NDUFA7: variants seen among roughly 807,000 people sequenced by gnomAD.
NDUFA7 encodes NADH:ubiquinone oxidoreductase subunit A7.
NDUFA7 carries 18 observed loss-of-function variants against 14.2 expected under a neutral mutation model. That is an observed-to-expected ratio of 1.27 (90% CI 0.88 to 1.88). NDUFA7 has a LOEUF of 1.88. Among genes scored for constraint, NDUFA7 ranks in the 40% most tolerant of loss-of-function variants. The probability of loss-of-function intolerance (pLI) is 0.00; values close to 1 mark genes in which losing one functional copy is unlikely to be tolerated. For synonymous variants in NDUFA7, 75 were observed against 62.1 expected, an observed-to-expected ratio of 1.21 and a Z score of -0.98; for missense variants, 172 against 147.3, an observed-to-expected ratio of 1.17 and a Z score of -0.87.
chr19:8,318,961 T>G (rs10403563), intron 2 of NDUFA7, among the ~76,000 whole-genome samples: 17,016 of 148,404 alleles, frequency 0.11, 1,984 homozygotes, highest in African/African-American at 0.31. Context: ...AGAGTGAGAC[T>G]CTGTCTCAAA....
chr19:8,309,100 T>C (rs995913269), downstream of NDUFA7, among the ~76,000 whole-genome samples: 7 of 151,972 alleles, frequency 4.6e-5, no homozygotes, highest in Non-Finnish European at 1.0e-4. Flanking sequence ...CTCTAATTTG[T>C]AGTCCCAGCT....
Position 8,321,330 on chromosome 19 carries a change from C to G in NDUFA7, c.29G>C (p.Arg10Pro). 1 of 1,580,494 alleles carries G rather than the reference C, an allele frequency of 6.3e-7. No homozygotes were observed. The highest frequency in any genetic ancestry group is 1.2e-5 in the South Asian group (1 of 86,872). Residue 10 changes from arginine (R) to proline (P), a missense_variant, in exon 1 of 4, where the codon CGG becomes CCG. Arg to Pro is a moderately radical substitution (Grantham distance 103). Coordinates refer to ENST00000301457, the MANE Select transcript of NDUFA7 (RefSeq NM_005001.5). Reference sequence around the variant, plus strand: ...CACCCCGGACGCCCAGTTCCGCAGCCGCTGGATGAGACGGGTGGCGGACGC... The same window carrying G: ...CACCCCGGACGCCCAGTTCCGCAGCGGCTGGATGAGACGGGTGGCGGACGC... MASATRLIQ[R>P]LRNWASGHDL...
At chr19:8,311,104 G>C (rs1471730096), downstream of NDUFA7, among the ~76,000 whole-genome samples, 1 of 152,172 alleles carries the variant, frequency 6.6e-6, no homozygotes, top group Non-Finnish European at 1.5e-5. Context: ...CAGCATAATG[G>C]TTTCTGGCTC....
chr19:8,318,887 C>G (rs1413241716), intron 2 of NDUFA7, among the ~76,000 whole-genome samples: 1 of 150,824 alleles, frequency 6.6e-6, no homozygotes, highest in South Asian at 2.1e-4. Context: ...AGGAGAATCA[C>G]TTGAACCCGG....
chr19:8,320,020 A>C (rs918415841), intron 2 of NDUFA7, among the ~76,000 whole-genome samples: 3 of 151,524 alleles, frequency 2.0e-5, no homozygotes, highest in African/African-American at 7.3e-5. Flanking sequence ...TAATTTTTGT[A>C]TTTCTAGTAG....
intron 2 of NDUFA7, among the ~76,000 whole-genome samples, chr19:8,317,603 G>A (rs907549016): frequency 6.6e-6 from 1 of 152,170 alleles, no homozygotes; most frequent in African/African-American, 2.4e-5. Context: ...TTTCCACTTA[G>A]CCATGTTTCT....
At chr19:8,315,414 T>C (rs897971853) in intron 3 of NDUFA7, among the ~76,000 whole-genome samples, 4 of 152,154 alleles carry the variant, frequency 2.6e-5, no homozygotes, top group African/African-American at 7.2e-5. Flanking sequence ...TCTACTGAGA[T>C]AGGGGAAAAC....
chr19:8,311,092 C>G (rs543789185), downstream of NDUFA7, among the ~76,000 whole-genome samples: 1 of 152,276 alleles, frequency 6.6e-6, no homozygotes, highest in African/African-American at 2.4e-5. Context: ...ATCCCACAGC[C>G]CCAGCATAAT....
chr19:8,317,820 C>T (rs1329954340), intron 2 of NDUFA7, among the ~76,000 whole-genome samples: 2 of 152,126 alleles, frequency 1.3e-5, no homozygotes, highest in Non-Finnish European at 2.9e-5. Context: ...CACACTACCA[C>T]ATCTGGCTAA....
At position 8,311,411 on chromosome 19, in the gene NDUFA7, C is replaced by A. The variant is rs1970174955; in HGVS notation, c.*94G>T. 2.1e-6 allele frequency: 2 copies of A among 956,568 alleles called. No individual in the cohort carries two copies. The highest frequency in any genetic ancestry group is 1.6e-6 in the Non-Finnish European group (1 of 633,400). 59.3% of individuals were successfully genotyped at this position (956,568 alleles called of 1,614,324 possible). A position where few individuals can be genotyped will look rare whatever the true frequency, so the allele number is the denominator to read the frequency against. ...TTTTAAAGTAAAACTAGAAGTGATA[C>A]CTGAGCTCTACGTATTTGTCATAAA... On this transcript the variant is annotated 3_prime_UTR_variant, in exon 4 of 4. Coordinates refer to ENST00000301457, the MANE Select transcript of NDUFA7 (RefSeq NM_005001.5).
intron 3 of NDUFA7, 124 bp downstream of exon 3, chr19:8,316,372 G>T: frequency 2.2e-6 from 3 of 1,389,948 alleles, no homozygotes; most frequent in Non-Finnish European, 2.9e-6. Flanking sequence ...CAGCAGCACA[G>T]TTCCTGCGCA....
chr19:8,312,198 C>T (rs1162563826), intron 3 of NDUFA7, among the ~76,000 whole-genome samples: 1 of 152,230 alleles, frequency 6.6e-6, no homozygotes, highest in Non-Finnish European at 1.5e-5. Flanking sequence ...CCAGGACGAG[C>T]ACCCTCCCCT....
At chr19:8,318,950 C>A (rs1322948613) in intron 2 of NDUFA7, among the ~76,000 whole-genome samples, 6 of 148,452 alleles carry the variant, frequency 4.0e-5, no homozygotes, top group Non-Finnish European at 8.9e-5. Flanking sequence ...AGCTTGGCGA[C>A]AGAGTGAGAC....
downstream of NDUFA7, among the ~76,000 whole-genome samples, chr19:8,309,292 G>A (rs1970146356): frequency 6.6e-6 from 1 of 152,044 alleles, no homozygotes; most frequent in African/African-American, 2.4e-5. Context: ...GGCCAACATA[G>A]TAAAACTCCC....
chr19:8,321,367 C>T lies in NDUFA7; in HGVS notation c.-9G>A. ...CGGGTGGCGGACGCCATCTTCCGTC[C>T]GCGATACTGAAGGGCGCAGCCGGTG... On this transcript the variant is annotated 5_prime_UTR_variant, in exon 1 of 4. Transcript: ENST00000301457. 6.4e-7 allele frequency: 1 copy of T among 1,571,470 alleles called. No homozygotes were observed. Among genetic ancestry groups the T allele is most frequent in the Middle Eastern group, 1.9e-4 (1 of 5,154 alleles).
chr19:8,319,117 G>A (rs565397788), intron 2 of NDUFA7, among the ~76,000 whole-genome samples: 20 of 151,210 alleles, frequency 1.3e-4, no homozygotes, highest in Admixed American at 6.6e-4. Flanking sequence ...GGGGTCGGGG[G>A]TTGGGGGGGA....
Position 8,311,411 on chromosome 19 carries a change from C to G in NDUFA7, c.*94G>C. Reference sequence around the variant, plus strand: ...TTTTAAAGTAAAACTAGAAGTGATACCTGAGCTCTACGTATTTGTCATAAA... The same window carrying G: ...TTTTAAAGTAAAACTAGAAGTGATAGCTGAGCTCTACGTATTTGTCATAAA... On this transcript the variant is annotated 3_prime_UTR_variant, in exon 4 of 4. Coordinates refer to ENST00000301457, the MANE Select transcript of NDUFA7 (RefSeq NM_005001.5). The G allele has an allele frequency of 1.0e-6, 1 of 956,568 alleles. No individual in the cohort carries two copies. 59.3% of individuals were successfully genotyped at this position (956,568 alleles called of 1,614,324 possible).
downstream of NDUFA7, among the ~76,000 whole-genome samples, chr19:8,310,011 G>A (rs935893703): frequency 3.3e-5 from 5 of 152,218 alleles, no homozygotes; most frequent in African/African-American, 9.7e-5. Flanking sequence ...TGCCTTCCCT[G>A]TGAGCAGCCC....
Position 8,316,525 on chromosome 19 carries a change from C to T in NDUFA7, c.222G>A (p.Lys74=). 1.2e-6 allele frequency: 2 copies of T among 1,614,084 alleles called. No individual in the cohort carries two copies. Among genetic ancestry groups the T allele is most frequent in the Non-Finnish European group, 8.5e-7 (1 of 1,180,018 alleles). ...VPPSIIMSSQ[K]ALVSGKPAES... is the part of the protein sequence containing the mutation. The stretch of plus-strand genomic sequence containing the variant: ...CTGCTGGCTTGCCTGACACCAGCGC[C>T]TTCTGCGACGACATGATGATGGAAG... The change falls in exon 3 of 4, where the codon AAG becomes AAA. Residue 74 remains lysine, a synonymous_variant. Transcript: ENST00000301457.
Sources: allele counts gnomAD v4.1 joint callset (sites outside exome capture counted in the v4.1 genomes callset), GRCh38; gene constraint gnomAD v4.1.1; transcripts MANE v1.5; gene names NCBI Gene and HGNC (gene_info 2026-07-23, HGNC 2026-07-21).